MYO5B: variants seen among roughly 807,000 people sequenced by gnomAD.
The protein encoded by MYO5B is myosin VB, also known as unconventional myosin-Vb.
In MYO5B, 143 loss-of-function variants were observed where a neutral mutation model predicts 229.3. That is an observed-to-expected ratio of 0.62 (90% CI 0.54 to 0.72). The LOEUF (loss-of-function observed/expected upper bound fraction) is 0.72. Ranked by LOEUF, MYO5B falls within the 30% of genes least tolerant of loss-of-function variation. The pLI, the probability that MYO5B is intolerant of heterozygous loss-of-function variation, is 0.00. For synonymous variants in MYO5B, 918 were observed against 885.2 expected (o/e 1.04, Z -0.66); for missense variants, 2,321 against 2,331.0 (o/e 1.00, Z 0.09).
intron 1 of MYO5B, among the ~76,000 whole-genome samples, chr18:50,185,791 GA>G (rs1452186804): frequency 3.9e-5 from 6 of 152,144 alleles, no homozygotes. Flanking sequence ...ATATTTTTAA[GA>G]AAAAATTACA....
At chr18:50,053,370 C>A (rs140938302) in intron 2 of MYO5B, among the ~76,000 whole-genome samples, 1 of 152,284 alleles carries the variant, frequency 6.6e-6, no homozygotes, top group African/African-American at 2.4e-5. Context: ...GCAGGGTGGG[C>A]GAGCATCTGC....
chr18:49,833,769 G>C (rs2023953293), intron 39 of MYO5B, among the ~76,000 whole-genome samples: 1 of 152,120 alleles, frequency 6.6e-6, no homozygotes, highest in Non-Finnish European at 1.5e-5. Flanking sequence ...AATGGGTCCA[G>C]GTTCAGATAT....
chr18:49,962,841 G>A (rs1244676435), intron 11 of MYO5B, 108 bp downstream of exon 11: 2 of 948,424 alleles, frequency 2.1e-6, no homozygotes, highest in African/African-American at 3.2e-5. Flanking sequence ...AGGGATATCA[G>A]AACGTAGCCA....
intron 1 of MYO5B, among the ~76,000 whole-genome samples, chr18:50,138,765 T>A (rs770783502): frequency 1.9e-4 from 29 of 152,224 alleles, no homozygotes; most frequent in Non-Finnish European, 3.5e-4. Context: ...TATCCACAGA[T>A]GAAGAAATAG....
rs1007521035 is a variant in MYO5B, at chr18:50,194,886, G to A, written c.-93C>T. 8.8e-4 allele frequency: 1,079 copies of A among 1,227,064 alleles called. No homozygotes were observed. Among genetic ancestry groups the A allele is most frequent in the South Asian group, 9.9e-4 (27 of 27,140 alleles). The allele number at this position is 1,227,064 out of a possible 1,614,324, so 76.0% of individuals were successfully genotyped here. On this transcript the variant is annotated 5_prime_UTR_variant, in exon 1 of 40. Coordinates refer to ENST00000285039, the MANE Select transcript of MYO5B (RefSeq NM_001080467.3). ...CCGCCTGGCGCCATGTTCCCGGGCT[G>A]GCCTGGAGTTTCTCGATCTTCTCGC... is the stretch of plus-strand genomic sequence containing the variant.
chr18:49,838,117 A>G (rs2024012705), intron 36 of MYO5B, among the ~76,000 whole-genome samples: 1 of 152,202 alleles, frequency 6.6e-6, no homozygotes, highest in South Asian at 2.1e-4. Context: ...CCTGGGTGTC[A>G]TCCTCGTCCA....
At chr18:49,912,399 T>A (rs1598877598) in intron 17 of MYO5B, among the ~76,000 whole-genome samples, 1 of 151,908 alleles carries the variant, frequency 6.6e-6, no homozygotes, top group Non-Finnish European at 1.5e-5. Context: ...GGAAAAAAGG[T>A]GAGTTTTGAA....
At chr18:49,890,296 G>A (rs1166782995) in intron 22 of MYO5B, among the ~76,000 whole-genome samples, 1 of 152,174 alleles carries the variant, frequency 6.6e-6, no homozygotes, top group Non-Finnish European at 1.5e-5. Context: ...TAAAACAGGT[G>A]GCTGCATCCC....
intron 14 of MYO5B, among the ~76,000 whole-genome samples, chr18:49,941,541 T>C (rs1055729491): frequency 2.0e-5 from 3 of 152,182 alleles, no homozygotes; most frequent in Admixed American, 6.5e-5. Context: ...ACTGATGATA[T>C]TGTTGTCAGG....
intron 4 of MYO5B, among the ~76,000 whole-genome samples, chr18:50,022,823 C>T (rs908377368): frequency 6.6e-6 from 1 of 152,152 alleles, no homozygotes; most frequent in Non-Finnish European, 1.5e-5. Flanking sequence ...CCTCACTCCC[C>T]ACGCAGGCCC....
intron 3 of MYO5B, among the ~76,000 whole-genome samples, chr18:50,039,417 C>T (rs183788307): frequency 1.1e-4 from 16 of 152,118 alleles, no homozygotes; most frequent in Non-Finnish European, 1.8e-4. Context: ...CTGCAAGCTC[C>T]GACTCCCCGG....
At chr18:49,992,148 A>C in intron 6 of MYO5B, 140 bp downstream of exon 6, 3 of 1,221,246 alleles carry the variant, frequency 2.5e-6, no homozygotes, top group Non-Finnish European at 3.6e-6. Flanking sequence ...CTGATAAAAG[A>C]TAAGAACCAA....
intron 1 of MYO5B, among the ~76,000 whole-genome samples, chr18:50,129,232 A>AGCTG (rs2032216211): frequency 6.6e-6 from 1 of 152,056 alleles, no homozygotes; most frequent in African/African-American, 2.4e-5. Context: ...AGCTGGAGCT[A>AGCTG]GAGCTTATCT....
chr18:50,145,497 C>CAAAAAAAAAAAAAAAAAAAAAAAAA (rs369507800), intron 1 of MYO5B, among the ~76,000 whole-genome samples: 1 of 69,984 alleles, frequency 1.4e-5, no homozygotes, highest in African/African-American at 5.8e-5. Flanking sequence ...GACTCCATCT[C>CAAAAAAAAAAAAAAAAAAAAAAAAA]AAAAAAAAAA....
intron 21 of MYO5B, among the ~76,000 whole-genome samples, chr18:49,896,195 G>A (rs1256896722): frequency 2.0e-5 from 3 of 152,114 alleles, no homozygotes; most frequent in Non-Finnish European, 4.4e-5. Flanking sequence ...ATGCTGTGGG[G>A]CCTTGTGGTT....
chr18:49,876,227 C>T (rs2144100557), intron 25 of MYO5B: 1 of 322,316 alleles, frequency 3.1e-6, no homozygotes, highest in South Asian at 2.8e-5. Context: ...GAGGAATCAA[C>T]ATGGTTACCA....
In MYO5B at chr18:50,141,758, T is replaced by C. The variant is rs529136271; in HGVS notation, c.27+53009A>G. 1.4e-4 allele frequency among the ~76,000 whole-genome samples: 22 copies of C among 152,266 alleles called. No individual in the cohort carries two copies. In the South Asian group the frequency reaches 4.6e-3, roughly 32 times the overall value. ...AATTATTTAAGACCCAGGCAGCAAA[T>C]GGCTATACCAGGCATAAAGTCAGTT... On this transcript the variant is annotated intron_variant, in intron 1 of 39. Coordinates refer to ENST00000285039, the MANE Select transcript of MYO5B (RefSeq NM_001080467.3).
intron 1 of MYO5B, among the ~76,000 whole-genome samples, chr18:50,185,382 C>T (rs983188472): frequency 1.3e-5 from 2 of 151,698 alleles, no homozygotes; most frequent in Non-Finnish European, 2.9e-5. Flanking sequence ...GGCTATTGGC[C>T]ATATCAATGA....
At chr18:49,857,745 G>A (rs992524421) in intron 29 of MYO5B, among the ~76,000 whole-genome samples, 3 of 152,204 alleles carry the variant, frequency 2.0e-5, no homozygotes, top group African/African-American at 7.2e-5. Context: ...AGCAAGGGCA[G>A]CTCCTGGAGG....
Sources: gnomAD v4.1 joint callset for allele counts (sites outside exome capture counted in the v4.1 genomes callset) on GRCh38, gnomAD v4.1.1 for gene constraint, MANE v1.5 for transcripts, NCBI Gene and HGNC (gene_info 2026-07-23, HGNC 2026-07-21) for gene names.